ZNF862: variants seen among roughly 807,000 people sequenced by gnomAD.
The protein encoded by ZNF862 is zinc finger protein 862.
Under a neutral mutation model 91.1 loss-of-function variants are expected in ZNF862, and 64 were observed. That is an observed-to-expected ratio of 0.70 (90% CI 0.57 to 0.87). ZNF862 has a LOEUF of 0.87. Among genes scored for constraint, ZNF862 ranks in the 40% least tolerant of loss-of-function variants. The pLI is 0.00. For synonymous variants in ZNF862, 631 were observed against 618.1 expected, an observed-to-expected ratio of 1.02 and a Z score of -0.31; for missense variants, 1,459 against 1,528.0, an observed-to-expected ratio of 0.95 and a Z score of 0.75.
rs1388142871 is a variant in ZNF862, at chr7:149,855,888, A to T, written c.1118-3534A>T. On this transcript the variant is annotated intron_variant, in intron 5 of 7. Transcript: ENST00000223210. The surrounding 1 kb of genome is among the most constrained non-coding windows in gnomAD (Gnocchi z 4.1). ...CTCCAAGGCACCCCATGGCTACCTT[A>T]GTCTTATCCAAGGCTGGACTCGTGG... The T allele has an allele frequency of 6.6e-6, 1 of 152,268 alleles. No homozygotes were observed. Among genetic ancestry groups the T allele is most frequent in the Non-Finnish European group, 1.5e-5 (1 of 68,112 alleles). 9.4% of individuals were successfully genotyped at this position (152,268 alleles called of 1,614,324 possible). A position where few individuals can be genotyped will look rare whatever the true frequency, so the allele number is the denominator to read the frequency against.
In ZNF862 at chr7:149,848,199, A is replaced by G. The variant is rs756129579; in HGVS notation, c.706A>G (p.Thr236Ala). 2 of 1,613,998 alleles carry G rather than the reference A, an allele frequency of 1.2e-6. No homozygotes were observed. Among genetic ancestry groups the G allele is most frequent in the South Asian group, 1.1e-5 (1 of 91,072 alleles). The change falls in exon 4 of 8, where the codon ACT (threonine) becomes GCT (alanine). Residue 236 changes from threonine to alanine, a missense_variant. Thr to Ala is a moderately conservative substitution (Grantham distance 58, BLOSUM62 0). Transcript: ENST00000223210. ...DVLASPEPLF[T>A]ADCPIFYPPG... is the part of the protein sequence containing the mutation. ...TCTGGCCAGCCCGGAGCCGCTCTTC[A>G]CTGCAGATTGCCCCATATTCTACCC...
rs375729625 is a variant in ZNF862 at position 149,846,181 on chromosome 7, G to A, written c.167G>A (p.Arg56His). 47 of 1,612,224 alleles carry A rather than the reference G, an allele frequency of 2.9e-5. No homozygotes were observed. Among genetic ancestry groups the A allele is most frequent in the East Asian group, 8.9e-5 (4 of 44,830 alleles). The stretch of plus-strand genomic sequence containing the variant: ...ACTGTTGCCAATCCTGAGCTGTTCC[G>A]CAAGTTCGGACGAGGGCCAGAGCCA... The part of the protein sequence containing the change: ...GPTVANPELF[R>H]KFGRGPEPWL... Residue 56 changes from arginine to histidine, a missense_variant, in exon 3 of 8, where the codon CGC becomes CAC. By Grantham distance (29) the Arg-to-His change is conservative. Coordinates refer to ENST00000223210, the MANE Select transcript of ZNF862 (RefSeq NM_001099220.3).
chr7:149,849,847 C>T lies in ZNF862; in HGVS notation c.940-314C>T, dbSNP rs971870328. ...CAGTCACCTTTTAGTTGTAGGTGAC[C>T]AGGAGGCAGCTCTCAGGACTCTGAG... On this transcript the variant is annotated intron_variant, in intron 4 of 7. Coordinates refer to ENST00000223210, the MANE Select transcript of ZNF862 (RefSeq NM_001099220.3). Among the ~76,000 whole-genome samples the T allele has an allele frequency of 2.6e-5, 4 of 152,112 alleles. No homozygotes were observed. In the East Asian group the frequency reaches 5.8e-4, roughly 22 times the overall value.
chr7:149,846,669 A>C (rs2128936809), intron 3 of ZNF862, among the ~76,000 whole-genome samples: 1 of 152,098 alleles, frequency 6.6e-6, no homozygotes, highest in Non-Finnish European at 1.5e-5. Context: ...TTTTGATAAG[A>C]CCCTCCTGTT....
At chr7:149,848,461 T>A in intron 4 of ZNF862, 29 bp downstream of exon 4, 1 of 1,449,994 alleles carries the variant, frequency 6.9e-7, no homozygotes, top group Non-Finnish European at 9.1e-7. Context: ...TTGCTGTATC[T>A]TACAGAGAAG....
At chr7:149,862,693 A>G (rs28369636) in intron 7 of ZNF862, among the ~76,000 whole-genome samples, 199 bp downstream of exon 7, 1 of 152,242 alleles carries the variant, frequency 6.6e-6, no homozygotes, top group Non-Finnish European at 1.5e-5. Context: ...TCTAGGCAGC[A>G]GGGCTTAGTG....
In ZNF862 at chr7:149,848,373, A is replaced by C. The variant is rs2128937414; in HGVS notation, c.880A>C (p.Ile294Leu). 1 of 1,603,550 alleles carries C rather than the reference A, an allele frequency of 6.2e-7. No homozygotes were observed. Among genetic ancestry groups the C allele is most frequent in the Middle Eastern group, 1.7e-4 (1 of 6,034 alleles). ...GAGGCAAAAAGAAATCACTGATGGC[A>C]TCCACAGCTCCTCAGACATTAATAT... ...DLRQKEITDG[I>L]HSSSDINILY... Residue 294 changes from isoleucine to leucine, a missense_variant, in exon 4 of 8, where the codon ATC (isoleucine) becomes CTC (leucine). Coordinates refer to ENST00000223210, the MANE Select transcript of ZNF862 (RefSeq NM_001099220.3).
chr7:149,850,249 C>G lies in ZNF862; in HGVS notation c.1028C>G (p.Thr343Ser), dbSNP rs375105204. 2 of 1,613,006 alleles carry G rather than the reference C, an allele frequency of 1.2e-6. No individual in the cohort carries two copies. Among genetic ancestry groups the G allele is most frequent in the Non-Finnish European group, 1.7e-6 (2 of 1,179,596 alleles). ...TTCGAGGATGTGGCAGTGTATTTCA[C>G]CCGGGAGGAGTGGGGCATGCTAGAC... is the stretch of plus-strand genomic sequence containing the variant. ...VVFEDVAVYF[T>S]REEWGMLDKR... The change falls in exon 5 of 8, where the codon ACC (threonine) becomes AGC (serine). Residue 343 changes from threonine to serine, a missense_variant. Thr to Ser is a moderately conservative substitution (Grantham distance 58, BLOSUM62 1). Transcript: ENST00000223210. The surrounding 1 kb of genome is among the most constrained non-coding windows in gnomAD (Gnocchi z 4.2).
intron 1 of ZNF862, chr7:149,841,595 C>G (rs1286829126): frequency 2.0e-6 from 2 of 985,288 alleles, no homozygotes; most frequent in Non-Finnish European, 2.4e-6. Context: ...TACAGGAGCC[C>G]TTTTGCTGCA....
chr7:149,839,148 C>G (rs533196432), intron 1 of ZNF862, among the ~76,000 whole-genome samples: 20 of 152,264 alleles, frequency 1.3e-4, no homozygotes, highest in African/African-American at 4.8e-4. Context: ...GCTTAGAAAC[C>G]TGTGTCATAA....
At chr7:149,847,592 GGTGTGT>G (rs10569456) in intron 3 of ZNF862, 137 bp from the exon 4 acceptor site, 29,726 of 521,606 alleles carry the variant, frequency 0.057, 52 homozygotes, top group South Asian at 0.094. Flanking sequence ...AGAAAATTCA[GGTGTGT>G]GTGTGTGTGT....
chr7:149,856,857 T>C lies in ZNF862; in HGVS notation c.1118-2565T>C, dbSNP rs182771314. On this transcript the variant is annotated intron_variant, in intron 5 of 7. Transcript: ENST00000223210. ...GGGGAGGCCTTCTTTCTGTGACGCA[T>C]CCTGTCTAAAAACATCATATTCTTC... is the stretch of plus-strand genomic sequence containing the variant. Among the ~76,000 whole-genome samples the C allele has an allele frequency of 8.7e-4, 132 of 152,366 alleles. 2 individuals are homozygous for C. In the East Asian group the frequency reaches 0.017, roughly 19 times the overall value.
intron 7 of ZNF862, among the ~76,000 whole-genome samples, chr7:149,863,090 G>A (rs1170512681): frequency 1.3e-5 from 2 of 152,210 alleles, no homozygotes; most frequent in Non-Finnish European, 2.9e-5. Context: ...GGGGAGAACA[G>A]AAACAGCCTC....
rs200063254 is a variant in ZNF862, at chr7:149,861,015, C to T, written c.1855C>T (p.Arg619Trp). ...TLKREILEDV[R>W]NSPCVSVLLD... ...GAAGAGGGAGATCCTGGAGGACGTG[C>T]GGAACTCGCCCTGTGTGAGCGTGCT... Residue 619 changes from arginine (R) to tryptophan (W), a missense_variant, in exon 7 of 8, where the codon CGG (arginine) becomes TGG (tryptophan). Physicochemically the swap from Arg to Trp is moderately radical, Grantham distance 101. Transcript: ENST00000223210. This position sits in a 1 kb window ranked among gnomAD's most constrained non-coding sequence, Gnocchi z 6.7. 7.9e-5 allele frequency: 127 copies of T among 1,612,988 alleles called. No individual in the cohort carries two copies. The highest frequency in any genetic ancestry group is 6.5e-4 in the Admixed American group (39 of 59,956).
rs1033161018 is a variant in ZNF862 at position 149,840,336 on chromosome 7, G to A, written c.24+1701G>A. On this transcript the variant is annotated intron_variant, in intron 1 of 7. Transcript: ENST00000223210. The stretch of plus-strand genomic sequence containing the variant: ...ATTTAAAGAAAAATATTGTACAGGT[G>A]TACAATGTGTGTTAAGCTAAGTGTT... Among the ~76,000 whole-genome samples the A allele has an allele frequency of 2.0e-5, 3 of 151,778 alleles. No homozygotes were observed. The South Asian group carries it at 6.2e-4, about 32-fold the overall frequency.
At position 149,860,533 on chromosome 7, in the gene ZNF862, G is replaced by T. The variant is rs760932362; in HGVS notation, c.1373G>T (p.Arg458Met). Residue 458 changes from arginine (R) to methionine (M), a missense_variant, in exon 7 of 8, where the codon AGG becomes ATG. By Grantham distance (91) the Arg-to-Met change is moderately conservative (BLOSUM62 -1). Coordinates refer to ENST00000223210, the MANE Select transcript of ZNF862 (RefSeq NM_001099220.3). ...GGAGATGGACCTAGGAGAATCAAGAGGACATACAGGCCCCGTTCCATTCAG... is the reference window on the plus strand; with the variant it reads ...GGAGATGGACCTAGGAGAATCAAGATGACATACAGGCCCCGTTCCATTCAG... ...EEGDGPRRIK[R>M]TYRPRSIQRS... 6.2e-6 allele frequency: 10 copies of T among 1,613,988 alleles called. No individual in the cohort carries two copies. Among genetic ancestry groups the T allele is most frequent in the Non-Finnish European group, 8.5e-6 (10 of 1,179,894 alleles).
At chr7:149,847,236 A>G (rs543257880) in intron 3 of ZNF862, among the ~76,000 whole-genome samples, 3 of 152,372 alleles carry the variant, frequency 2.0e-5, no homozygotes, top group Middle Eastern at 3.4e-3. Flanking sequence ...ACTTTGAGGT[A>G]GAAGTATTCG....
intron 4 of ZNF862, among the ~76,000 whole-genome samples, chr7:149,849,132 G>A (rs901463189): frequency 1.4e-4 from 21 of 152,202 alleles, no homozygotes; most frequent in African/African-American, 5.1e-4. Context: ...TTGGAGTCAT[G>A]TTGCACTTGT....
chr7:149,845,619 T>C (rs1268301868), intron 2 of ZNF862, among the ~76,000 whole-genome samples: 4 of 152,196 alleles, frequency 2.6e-5, no homozygotes, highest in African/African-American at 7.2e-5. Context: ...TTGGCTTTCA[T>C]TTCTTTTGTT....
Sources: allele counts gnomAD v4.1 joint callset (sites outside exome capture counted in the v4.1 genomes callset), GRCh38; gene constraint gnomAD v4.1.1; non-coding constraint Gnocchi (gnomAD v3.1); transcripts MANE v1.5; gene names NCBI Gene and HGNC (gene_info 2026-07-23, HGNC 2026-07-21).